NLGN1: variants seen among roughly 807,000 people sequenced by gnomAD.
NLGN1 encodes the protein neuroligin 1, also known as neuroligin-1.
Under a neutral mutation model 65.5 loss-of-function variants are expected in NLGN1, and 12 were observed. The ratio of observed to expected loss-of-function variants is 0.18; its 90% CI spans 0.12 to 0.30. NLGN1 has a LOEUF of 0.30. Among genes scored for constraint, NLGN1 ranks in the 10% least tolerant of loss-of-function variants. The pLI, the probability that NLGN1 is intolerant of heterozygous loss-of-function variation, is 1.00. For missense variants in NLGN1, 750 were observed against 1,007.1 expected, an observed-to-expected ratio of 0.74 and a Z score of 3.46; for synonymous variants, 350 against 359.5, an observed-to-expected ratio of 0.97 and a Z score of 0.30.
rs118156357 is a variant in NLGN1, at chr3:173,547,597, A to C, written c.-320-56682A>C. 2.5e-3 allele frequency among the ~76,000 whole-genome samples: 388 copies of C among 152,280 alleles called. 13 individuals are homozygous for C. The East Asian group carries it at 0.066, about 26-fold the overall frequency. ...ACACTGATGCTTCTTTGTTGATCTT[A>C]TATACTTATTTTTCCTCAGGTTGCT... On this transcript the variant is annotated intron_variant, in intron 2 of 6. Transcript: ENST00000457714.
Position 174,065,706 on chromosome 3 carries a change from A to G in NLGN1, c.647-209609A>G, listed in dbSNP as rs113757890. ...AAAGTGATGAAATGTTACTTCTAAG[A>G]TTACATTATTAAAAAAAAAAACAAC... On this transcript the variant is annotated intron_variant, in intron 4 of 6. Coordinates refer to ENST00000457714, the Ensembl canonical transcript of NLGN1. 1.6e-3 allele frequency among the ~76,000 whole-genome samples: 238 copies of G among 150,768 alleles called. 2 individuals are homozygous for G. Among genetic ancestry groups the G allele is most frequent in the African/African-American group, 5.7e-3 (231 of 40,524 alleles).
intron 2 of NLGN1, among the ~76,000 whole-genome samples, chr3:173,538,652 C>T (rs1276968745): frequency 1.3e-5 from 2 of 152,108 alleles, no homozygotes; most frequent in Non-Finnish European, 2.9e-5. Context: ...AGCTGGTCTC[C>T]GCTGCTGGGA....
chr3:173,767,124 T>G (rs1159569359), intron 3 of NLGN1, among the ~76,000 whole-genome samples: 2 of 152,150 alleles, frequency 1.3e-5, no homozygotes, highest in African/African-American at 4.8e-5. Context: ...GGATATAAAT[T>G]AATAATCTGG....
intron 4 of NLGN1, among the ~76,000 whole-genome samples, chr3:174,017,943 G>A (rs1397754578): frequency 6.6e-6 from 1 of 152,094 alleles, no homozygotes; most frequent in Non-Finnish European, 1.5e-5. Context: ...TTTATTAGGT[G>A]GGAATTTCTT....
chr3:174,278,435 G>A (rs1310381045), intron 5 of NLGN1, among the ~76,000 whole-genome samples: 3 of 151,902 alleles, frequency 2.0e-5, no homozygotes, highest in African/African-American at 7.2e-5. Context: ...AAGGAAGATG[G>A]ACACAGCCAA....
At chr3:174,144,703 A>G (rs918167689) in intron 4 of NLGN1, among the ~76,000 whole-genome samples, 32 of 152,188 alleles carry the variant, frequency 2.1e-4, no homozygotes, top group African/African-American at 6.5e-4. Flanking sequence ...TGTTGGCCAC[A>G]TAAATATCTT....
intron 4 of NLGN1, among the ~76,000 whole-genome samples, chr3:174,118,092 C>T (rs1429864623): frequency 6.6e-6 from 1 of 152,120 alleles, no homozygotes; most frequent in Non-Finnish European, 1.5e-5. Flanking sequence ...TCATTTTTCT[C>T]TCTTATTTTT....
chr3:173,684,951 G>A (rs777847561), intron 3 of NLGN1, among the ~76,000 whole-genome samples: 1 of 152,034 alleles, frequency 6.6e-6, no homozygotes, highest in Non-Finnish European at 1.5e-5. Context: ...GTTTTTAATA[G>A]AGTTCTTTTG....
chr3:173,887,333 T>A (rs1243791980), intron 4 of NLGN1, among the ~76,000 whole-genome samples: 2 of 152,056 alleles, frequency 1.3e-5, no homozygotes, highest in Non-Finnish European at 2.9e-5. Flanking sequence ...ATATGTCTTT[T>A]CTTTTTTGAC....
At chr3:174,271,183 CAT>C (rs986910508) in intron 4 of NLGN1, among the ~76,000 whole-genome samples, 1 of 151,788 alleles carries the variant, frequency 6.6e-6, no homozygotes, top group African/African-American at 2.4e-5. Flanking sequence ...CAACTATAAA[CAT>C]AGGCACTCAA....
At chr3:173,545,803 A>G (rs571711568) in intron 2 of NLGN1, among the ~76,000 whole-genome samples, 1 of 152,294 alleles carries the variant, frequency 6.6e-6, no homozygotes, top group African/African-American at 2.4e-5. Flanking sequence ...AGGGATATGG[A>G]TGAAGCTGGA....
intron 2 of NLGN1, among the ~76,000 whole-genome samples, chr3:173,514,586 T>A (rs1733523169): frequency 6.6e-6 from 1 of 152,188 alleles, no homozygotes; most frequent in African/African-American, 2.4e-5. Flanking sequence ...ATAGGCACAA[T>A]GTCACACAGC....
chr3:173,961,927 T>C (rs868520192), intron 4 of NLGN1, among the ~76,000 whole-genome samples: 1 of 152,034 alleles, frequency 6.6e-6, no homozygotes, highest in Admixed American at 6.6e-5. Context: ...TTGTCCCCCA[T>C]GGGTGTCTTC....
At chr3:173,664,581 C>T (rs750214478) in intron 3 of NLGN1, among the ~76,000 whole-genome samples, 11 of 151,994 alleles carry the variant, frequency 7.2e-5, no homozygotes, top group South Asian at 4.1e-4. Context: ...GATTATTGCG[C>T]GAAGGGAAAG....
At chr3:173,423,561 C>T (rs1013793500) in intron 1 of NLGN1, among the ~76,000 whole-genome samples, 1 of 152,066 alleles carries the variant, frequency 6.6e-6, no homozygotes, top group Non-Finnish European at 1.5e-5. Flanking sequence ...GGGACATAGG[C>T]CCCTTGAAAG....
chr3:173,740,255 G>A lies in NLGN1; in HGVS notation c.494-67425G>A, dbSNP rs138054406. ...TGGAAATTACTGGTATATATGGAAC[G>A]AGACAGTTAGTTAGAAGGAACTCAG... On this transcript the variant is annotated intron_variant, in intron 3 of 6. Coordinates refer to ENST00000457714, the Ensembl canonical transcript of NLGN1. Among the ~76,000 whole-genome samples, 579 of 152,146 alleles carry A rather than the reference G, an allele frequency of 3.8e-3. 4 individuals are homozygous for A. The highest frequency in any genetic ancestry group is 0.013 in the African/African-American group (551 of 41,536).
chr3:173,540,653 G>A (rs1738706948), intron 2 of NLGN1, among the ~76,000 whole-genome samples: 1 of 152,120 alleles, frequency 6.6e-6, no homozygotes, highest in Non-Finnish European at 1.5e-5. Context: ...GTTCTCAGGG[G>A]TCAGAGAACA....
At chr3:174,233,355 G>A (rs908141800) in intron 4 of NLGN1, among the ~76,000 whole-genome samples, 13 of 151,968 alleles carry the variant, frequency 8.6e-5, no homozygotes, top group East Asian at 3.9e-4. Flanking sequence ...GAGTGGTGGC[G>A]CATGCCTGTA....
At chr3:173,794,102 T>C (rs1221863581) in intron 3 of NLGN1, among the ~76,000 whole-genome samples, 1 of 152,000 alleles carries the variant, frequency 6.6e-6, no homozygotes. Flanking sequence ...CCACCCTACC[T>C]CCTCATACCC....
Sources: allele counts gnomAD v4.1 joint callset (sites outside exome capture counted in the v4.1 genomes callset), GRCh38; gene constraint gnomAD v4.1.1; transcripts MANE v1.5; gene names NCBI Gene and HGNC (gene_info 2026-07-23, HGNC 2026-07-21).